Variants in NUP214 observed in about 807,000 individuals in gnomAD.
The protein encoded by NUP214 is nucleoporin 214.
In NUP214, 79 loss-of-function variants were observed where a neutral mutation model predicts 196.2. The ratio of observed to expected loss-of-function variants is 0.40; its 90% confidence interval spans 0.34 to 0.49. NUP214 has a LOEUF of 0.49. Among genes scored for constraint, NUP214 ranks in the 20% least tolerant of loss-of-function variants. NUP214 has a pLI of 0.58. For missense variants in NUP214, 2,468 were observed against 2,539.0 expected (o/e 0.97, Z 0.60); for synonymous variants, 1,020 against 990.5 (o/e 1.03, Z -0.56).
rs1447932940 is a variant in NUP214 at position 131,197,530 on chromosome 9, A to G, written c.4036A>G (p.Thr1346Ala). Residue 1346 changes from threonine (T) to alanine (A), a missense_variant, in exon 29 of 36, where the codon ACA becomes GCA. Around this residue, in one of 5 missense-constraint regions of NUP214, gnomAD observed 1,801 missense variants for 1,779.4 expected, o/e 1.01. Transcript: ENST00000359428. The part of the protein sequence containing the change: ...GLRVGQADDS[T>A]KPTNKASSTS... ...GCGGGTTGGCCAAGCAGATGATTCT[A>G]CAAAACCAACCAATAAGGCTTCATC... 4 of 1,614,072 alleles carry G rather than the reference A, an allele frequency of 2.5e-6. No homozygotes were observed. The highest frequency in any genetic ancestry group is 2.2e-5 in the East Asian group (1 of 44,894).
chr9:131,175,235 A>G (rs575734156), intron 22 of NUP214, among the ~76,000 whole-genome samples: 46 of 152,326 alleles, frequency 3.0e-4, no homozygotes, highest in African/African-American at 9.9e-4. Context: ...TTGTATCTCA[A>G]TCAGTATCAG....
At chr9:131,156,730 T>A (rs942193685) in intron 17 of NUP214, among the ~76,000 whole-genome samples, 1 of 152,184 alleles carries the variant, frequency 6.6e-6, no homozygotes, top group African/African-American at 2.4e-5. Context: ...CCTTTTTGGA[T>A]GAGTCTTTAG....
At chr9:131,159,330 C>T (rs1424637192) in intron 17 of NUP214, 53 bp from the exon 18 acceptor site, 1 of 1,265,014 alleles carries the variant, frequency 7.9e-7, no homozygotes, top group African/African-American at 1.5e-5. Context: ...GATACATCTT[C>T]CCCCAAACTA....
At position 131,146,500 on chromosome 9, in the gene NUP214, CTT is replaced by C. The variant is rs1308251311; in HGVS notation, c.1945+197_1945+198del. 6.6e-6 allele frequency among the ~76,000 whole-genome samples: 1 copy of C among 152,192 alleles called. No homozygotes were observed. The highest frequency in any genetic ancestry group is 1.5e-5 in the Non-Finnish European group (1 of 68,034). On this transcript the variant is annotated intron_variant, in intron 13 of 35. Coordinates refer to ENST00000359428, the MANE Select transcript of NUP214 (RefSeq NM_005085.4). The surrounding 1 kb of genome is among the most constrained non-coding windows in gnomAD (Gnocchi z 4.6). ...TTGCTCTTGCTTAAATGCTGCCACTCTTCTCTCTGACACTTCTTATGGAGCTA... is the reference window on the plus strand; with the variant it reads ...TTGCTCTTGCTTAAATGCTGCCACTCCTCTCTGACACTTCTTATGGAGCTA...
Position 131,233,593 on chromosome 9 carries a change from C to T in NUP214, c.*106C>T. The stretch of plus-strand genomic sequence containing the variant: ...TCAGACCGACGTTGCCATCAAAACA[C>T]ATACACCCAGAAAGAAACAACAGAA... On this transcript the variant is annotated 3_prime_UTR_variant, in exon 36 of 36. Transcript: ENST00000359428. 1.6e-6 allele frequency: 2 copies of T among 1,216,776 alleles called. No individual in the cohort carries two copies. The highest frequency in any genetic ancestry group is 1.2e-6 in the Non-Finnish European group (1 of 836,306). 75.4% of individuals were successfully genotyped at this position (1,216,776 alleles called of 1,614,324 possible).
intron 22 of NUP214, among the ~76,000 whole-genome samples, chr9:131,174,956 A>G (rs1412987509): frequency 6.6e-6 from 1 of 152,178 alleles, no homozygotes; most frequent in Non-Finnish European, 1.5e-5. Flanking sequence ...TGCTTCAGTT[A>G]TAAAGCAACA....
At chr9:131,199,040 C>T (rs1156428639) in intron 29 of NUP214, 25 bp downstream of exon 29, 1 of 1,555,094 alleles carries the variant, frequency 6.4e-7, no homozygotes, top group African/African-American at 1.4e-5. Context: ...AAGCTTTTTA[C>T]TTGTTTCCCT....
In NUP214 at chr9:131,204,120, C is replaced by G. The variant is rs1834012967; in HGVS notation, c.5592+2403C>G. Among the ~76,000 whole-genome samples, 2 of 152,138 alleles carry G rather than the reference C, an allele frequency of 1.3e-5. 1 individual carries two copies. The highest frequency in any genetic ancestry group is 4.1e-4 in the South Asian group (2 of 4,836). On this transcript the variant is annotated intron_variant, in intron 30 of 35. Transcript: ENST00000359428. ...GTAATTTCTGTCCCTCAATGAGACA[C>G]ACAAGGAAACCAGGAACTATGAGCA...
chr9:131,228,548 T>C, intron 33 of NUP214: 1 of 445,848 alleles, frequency 2.2e-6, no homozygotes, highest in Non-Finnish European at 3.9e-6. Context: ...TCAGCTGTGT[T>C]GCTGTTCCCT....
At chr9:131,159,783 G>A (rs1410612486) in intron 18 of NUP214, among the ~76,000 whole-genome samples, 2 of 151,980 alleles carry the variant, frequency 1.3e-5, no homozygotes, top group Non-Finnish European at 2.9e-5. Flanking sequence ...CTTGAACCCA[G>A]GAGGCGGAGG....
chr9:131,170,644 T>C (rs1479120733), intron 21 of NUP214, among the ~76,000 whole-genome samples: 1 of 152,148 alleles, frequency 6.6e-6, no homozygotes, highest in African/African-American at 2.4e-5. Context: ...TACCATTGAT[T>C]TATGTGTATT....
intron 24 of NUP214, among the ~76,000 whole-genome samples, chr9:131,183,761 T>G (rs1833358377): frequency 6.6e-6 from 1 of 152,164 alleles, no homozygotes; most frequent in Admixed American, 6.5e-5. Flanking sequence ...TACAAATGTT[T>G]GTTGTAGATA....
rs1296103897 is a variant in NUP214, at chr9:131,197,616, T to G, written c.4122T>G (p.Phe1374Leu). 6.2e-7 allele frequency: 1 copy of G among 1,614,164 alleles called. No individual in the cohort carries two copies. Among genetic ancestry groups the G allele is most frequent in the Non-Finnish European group, 8.5e-7 (1 of 1,180,014 alleles). Residue 1374 changes from phenylalanine to leucine, a missense_variant, in exon 29 of 36, where the codon TTT becomes TTG. Phe to Leu is a conservative substitution (Grantham distance 22). Transcript: ENST00000359428. ...KTSGVPSGFN[F>L]TAPPVLGKHT... ...CAGGCGTGCCCTCAGGGTTTAATTTTACTGCCCCCCCGGTGTTAGGGAAGC... is the reference window on the plus strand; with the variant it reads ...CAGGCGTGCCCTCAGGGTTTAATTTGACTGCCCCCCCGGTGTTAGGGAAGC...
chr9:131,147,080 G>A (rs1036213338), intron 13 of NUP214, among the ~76,000 whole-genome samples: 3 of 152,038 alleles, frequency 2.0e-5, no homozygotes, highest in Non-Finnish European at 4.4e-5. Context: ...TCTACCTCCT[G>A]GGCTCAAGCG....
intron 21 of NUP214, among the ~76,000 whole-genome samples, chr9:131,173,097 C>T (rs1469574171): frequency 1.3e-5 from 2 of 152,170 alleles, no homozygotes; most frequent in Non-Finnish European, 2.9e-5. Flanking sequence ...CACTCTGTTG[C>T]CCAGGCTGCA....
chr9:131,170,397 CTA>C (rs1832922798), intron 21 of NUP214, among the ~76,000 whole-genome samples: 1 of 152,140 alleles, frequency 6.6e-6, no homozygotes, highest in South Asian at 2.1e-4. Flanking sequence ...TATTGAGTCT[CTA>C]GATCAACTTG....
intron 24 of NUP214, among the ~76,000 whole-genome samples, chr9:131,181,792 G>C (rs971291821): frequency 9.2e-5 from 14 of 151,958 alleles, no homozygotes; most frequent in Non-Finnish European, 1.6e-4. Flanking sequence ...TCACTTTCTT[G>C]TTGTGTCCTT....
chr9:131,230,148 T>TA (rs1834836739), intron 33 of NUP214: 1 of 189,796 alleles, frequency 5.3e-6, no homozygotes, highest in Non-Finnish European at 1.1e-5. Flanking sequence ...GTTTGGGTAG[T>TA]AATTATTGAT....
intron 29 of NUP214, 103 bp downstream of exon 29, chr9:131,199,118 CAA>C: frequency 7.3e-7 from 1 of 1,367,486 alleles, no homozygotes; most frequent in Non-Finnish European, 9.9e-7. Context: ...ACTCAAAACC[CAA>C]AAATAATCTG....
Sources: allele counts gnomAD v4.1 joint callset (sites outside exome capture counted in the v4.1 genomes callset), GRCh38; gene constraint gnomAD v4.1.1; regional missense constraint gnomAD v4.1.1; non-coding constraint Gnocchi (gnomAD v3.1); transcripts MANE v1.5; gene names NCBI Gene and HGNC (gene_info 2026-07-23, HGNC 2026-07-21).